The following ZFC3H1 variants were observed in gnomAD, a reference collection of about 807,000 sequenced individuals.
ZFC3H1 encodes the protein zinc finger C3H1 domain-containing protein.
Under a neutral mutation model 243.7 loss-of-function variants are expected in ZFC3H1, and 71 were observed. The observed-to-expected ratio is 0.29, with a 90% CI of 0.24 to 0.36. ZFC3H1 has a LOEUF of 0.36. Among genes scored for constraint, ZFC3H1 ranks in the 10% least tolerant of loss-of-function variants. ZFC3H1 has a pLI of 1.00. For synonymous variants in ZFC3H1, 838 were observed against 813.0 expected (o/e 1.03, Z -0.52); for missense variants, 1,966 against 2,317.1 (o/e 0.85, Z 3.11).
In ZFC3H1 at chr12:71,626,455, A is replaced by G; in HGVS notation, c.4131-9T>C. The G allele has an allele frequency of 6.3e-7, 1 of 1,578,506 alleles. No homozygotes were observed. Among genetic ancestry groups the G allele is most frequent in the South Asian group, 1.2e-5 (1 of 85,658 alleles). On this transcript the variant is annotated splice_polypyrimidine_tract_variant and intron_variant, in intron 21 of 34. Coordinates refer to ENST00000378743, the MANE Select transcript of ZFC3H1 (RefSeq NM_144982.5). Reference sequence around the variant, plus strand: ...AGGATTCTGAGCACTCCCTGTATATATAAAAGAAAAGGTGGAAGTGCTTTT... The same window carrying G: ...AGGATTCTGAGCACTCCCTGTATATGTAAAAGAAAAGGTGGAAGTGCTTTT...
chr12:71,663,188 C>T lies in ZFC3H1; in HGVS notation c.423G>A (p.Leu141=), dbSNP rs1881234556. ...GCCTGCCTCGAAAGCGGAAACGGTCCAAGGCGAGGTGGCTCCGCTCCCAGA... is the reference window on the plus strand; with the variant it reads ...GCCTGCCTCGAAAGCGGAAACGGTCTAAGGCGAGGTGGCTCCGCTCCCAGA... The part of the protein sequence containing the change: ...PSFWERSHLA[L]DRFRFRGRPY... Residue 141 remains leucine, a synonymous_variant, in exon 1 of 35, where the codon TTG becomes TTA. Transcript: ENST00000378743. 1 of 1,614,006 alleles carries T rather than the reference C, an allele frequency of 6.2e-7. No homozygotes were observed. The highest frequency in any genetic ancestry group is 8.5e-7 in the Non-Finnish European group (1 of 1,180,042).
chr12:71,651,771 T>G (rs1349301332), intron 2 of ZFC3H1, among the ~76,000 whole-genome samples: 2 of 152,186 alleles, frequency 1.3e-5, no homozygotes, highest in Non-Finnish European at 2.9e-5. Context: ...GATTTCCATT[T>G]TTGGATGGAA....
chr12:71,635,705 A>C, intron 9 of ZFC3H1, 125 bp from the exon 10 acceptor site: 1 of 842,654 alleles, frequency 1.2e-6, no homozygotes, highest in African/African-American at 1.8e-5. Context: ...GGGTTGTATT[A>C]CATAATCCAC....
chr12:71,614,198 T>C (rs1405454826), intron 30 of ZFC3H1, among the ~76,000 whole-genome samples: 2 of 152,096 alleles, frequency 1.3e-5, no homozygotes, highest in Non-Finnish European at 2.9e-5. Context: ...AATTTTCAAC[T>C]ACTCAAGCAA....
chr12:71,611,196 T>A, intron 32 of ZFC3H1, 99 bp from the exon 33 acceptor site: 6 of 1,212,438 alleles, frequency 4.9e-6, no homozygotes, highest in Non-Finnish European at 6.6e-6. Flanking sequence ...GAATACTGAC[T>A]GTGGGAATCT....
chr12:71,648,232 G>T (rs980878759), intron 2 of ZFC3H1, among the ~76,000 whole-genome samples: 1 of 152,192 alleles, frequency 6.6e-6, no homozygotes, highest in African/African-American at 2.4e-5. Flanking sequence ...TTTACAGACT[G>T]TATTGGATTT....
chr12:71,635,684 G>A (rs1274851451), intron 9 of ZFC3H1, 104 bp from the exon 10 acceptor site: 2 of 1,179,212 alleles, frequency 1.7e-6, no homozygotes, highest in East Asian at 2.8e-5. Flanking sequence ...GACAGTCTAT[G>A]GCTCCTTCTA....
At chr12:71,619,487 C>T in intron 26 of ZFC3H1, 78 bp from the exon 27 acceptor site, 3 of 1,376,196 alleles carry the variant, frequency 2.2e-6, no homozygotes, top group Non-Finnish European at 3.0e-6. Context: ...GAAAAAAAGC[C>T]TTAAAAAAGT....
rs767093108 is a variant in ZFC3H1 at position 71,614,595 on chromosome 12, G to A, written c.5466C>T (p.Ala1822=). Residue 1822 remains alanine, a synonymous_variant, in exon 30 of 35, where the codon GCC becomes GCT. Transcript: ENST00000378743. ...LVNRCLVTVP[A]RYPIPFSSAD... ...CACTGCTAAAAGGAATGGGGTATCG[G>A]GCAGGGACTGTAACCAAACATCTAT... is the stretch of plus-strand genomic sequence containing the variant. 1 of 1,613,268 alleles carries A rather than the reference G, an allele frequency of 6.2e-7. No individual in the cohort carries two copies. The highest frequency in any genetic ancestry group is 8.5e-7 in the Non-Finnish European group (1 of 1,179,590).
Position 71,610,122 on chromosome 12 carries a change from A to T in ZFC3H1, c.*306T>A, listed in dbSNP as rs779005740. On this transcript the variant is annotated 3_prime_UTR_variant, in exon 35 of 35. Transcript: ENST00000378743. Reference sequence around the variant, plus strand: ...AAAATAAAGGAATGGGGGAGAAAATAAAAAAAAACAAAGCAAAATTAAAAT... The same window carrying T: ...AAAATAAAGGAATGGGGGAGAAAATTAAAAAAAACAAAGCAAAATTAAAAT... 2.1e-5 allele frequency: 4 copies of T among 190,806 alleles called. 1 individual carries two copies. Among genetic ancestry groups the T allele is most frequent in the Admixed American group, 6.0e-5 (1 of 16,632 alleles). 11.8% of individuals were successfully genotyped at this position (190,806 alleles called of 1,614,324 possible).
At chr12:71,630,118 A>C (rs1880285194) in intron 18 of ZFC3H1, among the ~76,000 whole-genome samples, 2 of 152,220 alleles carry the variant, frequency 1.3e-5, no homozygotes, top group Non-Finnish European at 2.9e-5. Flanking sequence ...AAAGCTTAAT[A>C]ATATTTGCTC....
chr12:71,611,904 G>A lies in ZFC3H1; in HGVS notation c.5628-17C>T. On this transcript the variant is annotated splice_polypyrimidine_tract_variant and intron_variant, in intron 31 of 34. Transcript: ENST00000378743. ...TGAAGTAACCTGTAAAGTACATTCA[G>A]GAAAATGAACAAAGCATTGCAAGTG... 3 of 1,537,082 alleles carry A rather than the reference G, an allele frequency of 2.0e-6. No individual in the cohort carries two copies. Among genetic ancestry groups the A allele is most frequent in the Non-Finnish European group, 2.7e-6 (3 of 1,121,974 alleles).
chr12:71,635,038 A>T (rs1212204170), intron 10 of ZFC3H1, among the ~76,000 whole-genome samples: 3 of 152,186 alleles, frequency 2.0e-5, no homozygotes, highest in Non-Finnish European at 4.4e-5. Context: ...CAGTCTGAAA[A>T]TCATTGAATT....
rs558909267 is a variant in ZFC3H1, at chr12:71,656,159, CTG to C, written c.1015+724_1015+725del. On this transcript the variant is annotated intron_variant, in intron 2 of 34. Transcript: ENST00000378743. Reference sequence around the variant, plus strand: ...ATAACTACAAAGACACTTGGAGAAACTGTTTGAGGTTGATGAAAGAATTCTGT... The same window carrying C: ...ATAACTACAAAGACACTTGGAGAAACTTTGAGGTTGATGAAAGAATTCTGT... 1.8e-4 allele frequency among the ~76,000 whole-genome samples: 27 copies of C among 152,196 alleles called. No individual in the cohort carries two copies. The East Asian group carries it at 3.1e-3, about 17-fold the overall frequency.
intron 2 of ZFC3H1, among the ~76,000 whole-genome samples, chr12:71,648,539 G>A (rs780398942): frequency 1.6e-4 from 25 of 152,090 alleles, no homozygotes; most frequent in Non-Finnish European, 3.7e-4. Flanking sequence ...AAATTGCAAA[G>A]CTAGGATTTA....
intron 2 of ZFC3H1, 38 bp downstream of exon 2, chr12:71,656,847 G>A (rs541162308): frequency 1.3e-6 from 2 of 1,555,278 alleles, no homozygotes; most frequent in South Asian, 1.2e-5. Context: ...TTTAGAGGAA[G>A]AAGAGTCATT....
chr12:71,648,504 A>G (rs1880785595), intron 2 of ZFC3H1, among the ~76,000 whole-genome samples: 1 of 152,296 alleles, frequency 6.6e-6, no homozygotes, highest in East Asian at 1.9e-4. Context: ...AAACTCAGAA[A>G]TCTTTCCTTA....
intron 27 of ZFC3H1, among the ~76,000 whole-genome samples, chr12:71,618,571 T>C (rs527880815): frequency 1.3e-5 from 2 of 152,332 alleles, no homozygotes; most frequent in African/African-American, 2.4e-5. Context: ...TTGCATTTCA[T>C]CTATGGCTGG....
chr12:71,650,255 A>C (rs922038161), intron 2 of ZFC3H1, among the ~76,000 whole-genome samples: 1 of 152,174 alleles, frequency 6.6e-6, no homozygotes. Context: ...CAGCCTGGGC[A>C]ACAGAGCGAG....
Sources: allele counts gnomAD v4.1 joint callset (sites outside exome capture counted in the v4.1 genomes callset), GRCh38; gene constraint gnomAD v4.1.1; transcripts MANE v1.5; gene names NCBI Gene and HGNC (gene_info 2026-07-23, HGNC 2026-07-21).